The following NKAIN2 variants were observed in gnomAD, a reference collection of about 807,000 sequenced individuals.
The protein encoded by NKAIN2 is sodium/potassium transporting ATPase interacting 2, also known as sodium/potassium-transporting ATPase subunit beta-1-interacting protein 2.
A neutral mutation model predicts 32.6 loss-of-function variants in NKAIN2; 14 were observed. The observed-to-expected ratio is 0.43, with a 90% confidence interval of 0.28 to 0.67. The LOEUF (loss-of-function observed/expected upper bound fraction) is 0.67, where lower values mean the gene tolerates loss of function less well. Ranked by LOEUF, NKAIN2 falls within the 30% of genes least tolerant of loss-of-function variation. The pLI, the probability that NKAIN2 is intolerant of heterozygous loss-of-function variation, is 0.17. For missense variants in NKAIN2, 198 were observed against 258.3 expected (o/e 0.77, Z 1.60); for synonymous variants, 80 against 87.2 (o/e 0.92, Z 0.46).
chr6:124,687,425 A>C (rs1773993986), intron 4 of NKAIN2, among the ~76,000 whole-genome samples: 1 of 100,996 alleles, frequency 9.9e-6, no homozygotes, highest in South Asian at 3.5e-4. Context: ...TATATATTCC[A>C]TGTATACCAT....
At chr6:124,069,415 G>A (rs1424220820) in intron 1 of NKAIN2, among the ~76,000 whole-genome samples, 2 of 152,084 alleles carry the variant, frequency 1.3e-5, no homozygotes, top group African/African-American at 4.8e-5. Flanking sequence ...TGGGGCAGCC[G>A]GCCAGTGAGT....
intron 1 of NKAIN2, among the ~76,000 whole-genome samples, chr6:124,019,246 A>G (rs1025084125): frequency 2.0e-5 from 3 of 152,172 alleles, no homozygotes; most frequent in African/African-American, 7.2e-5. Context: ...AAACCAAACT[A>G]TATCACCTTG....
chr6:124,344,152 C>A (rs1242578750), intron 2 of NKAIN2, among the ~76,000 whole-genome samples: 1 of 152,026 alleles, frequency 6.6e-6, no homozygotes, highest in East Asian at 1.9e-4. Flanking sequence ...AGATATGCAG[C>A]ATTATTTCTG....
Position 124,351,593 on chromosome 6 carries a change from C to T in NKAIN2, c.193-3674C>T, listed in dbSNP as rs116037905. 3.2e-3 allele frequency among the ~76,000 whole-genome samples: 487 copies of T among 150,486 alleles called. 1 individual carries two copies. The highest frequency in any genetic ancestry group is 0.011 in the African/African-American group (468 of 41,024). ...CTAATAAATAAATCTTTGAGGATTA[C>T]TGCTATTTTATTTATTTATTTATCT... On this transcript the variant is annotated intron_variant, in intron 2 of 6. Transcript: ENST00000368417.
Position 124,823,505 on chromosome 6 carries a change from C to A in NKAIN2, c.*276C>A. 4.8e-6 allele frequency: 2 copies of A among 414,724 alleles called. No individual in the cohort carries two copies. The highest frequency in any genetic ancestry group is 8.7e-5 in the South Asian group (2 of 22,968). The allele number at this position is 414,724 out of a possible 1,614,324, so 25.7% of individuals were successfully genotyped here. A position where few individuals can be genotyped will look rare whatever the true frequency, so the allele number is the denominator to read the frequency against. Reference sequence around the variant, plus strand: ...ATTTCCTGAAAGCAGGCCCCTTTCTCCCAGGCCTTCGGAAAGTTCAGAAGG... The same window carrying A: ...ATTTCCTGAAAGCAGGCCCCTTTCTACCAGGCCTTCGGAAAGTTCAGAAGG... On this transcript the variant is annotated 3_prime_UTR_variant, in exon 7 of 7. Coordinates refer to ENST00000368417, the MANE Select transcript of NKAIN2 (RefSeq NM_001040214.3).
chr6:124,047,448 C>CTCTA (rs1554246859), intron 1 of NKAIN2, among the ~76,000 whole-genome samples: 6,050 of 151,062 alleles, frequency 0.04, 146 homozygotes, highest in Middle Eastern at 0.1. Flanking sequence ...CTCTCTCTCT[C>CTCTA]TATATATATA....
chr6:124,016,417 T>C (rs554301767), intron 1 of NKAIN2, among the ~76,000 whole-genome samples: 5 of 152,346 alleles, frequency 3.3e-5, no homozygotes, highest in African/African-American at 9.6e-5. Flanking sequence ...ACCTGCTTTC[T>C]CCAAAAGCAG....
intron 2 of NKAIN2, among the ~76,000 whole-genome samples, chr6:124,314,670 T>C (rs1031536040): frequency 6.6e-6 from 1 of 152,182 alleles, no homozygotes; most frequent in African/African-American, 2.4e-5. Flanking sequence ...AGCTGAATCC[T>C]GTCCCCTGAA....
intron 4 of NKAIN2, among the ~76,000 whole-genome samples, chr6:124,724,050 A>G (rs1776154154): frequency 6.6e-6 from 1 of 152,240 alleles, no homozygotes. Context: ...TCTTTGTGAT[A>G]AAGTTTCATA....
chr6:123,900,532 GTTTTTTTTTTTTTTTTTTTTTT>G (rs34370743), intron 1 of NKAIN2, among the ~76,000 whole-genome samples: 32 of 32,790 alleles, frequency 9.8e-4, no homozygotes, highest in South Asian at 2.1e-3. Flanking sequence ...CTCCAGATTA[GTTTTTTTTTTTTTTTTTTTTTT>G]TTTTTTTTTT....
intron 1 of NKAIN2, among the ~76,000 whole-genome samples, chr6:123,903,362 A>G (rs1441937005): frequency 6.6e-6 from 1 of 152,224 alleles, no homozygotes; most frequent in African/African-American, 2.4e-5. Context: ...ATAAGAGGGA[A>G]GGAATTTTAT....
chr6:123,882,758 A>G (rs1316490200), intron 1 of NKAIN2, among the ~76,000 whole-genome samples: 1 of 152,220 alleles, frequency 6.6e-6, no homozygotes, highest in Non-Finnish European at 1.5e-5. Context: ...GATTTATTCA[A>G]TATTTAATAA....
intron 3 of NKAIN2, among the ~76,000 whole-genome samples, chr6:124,585,568 A>C (rs1276815734): frequency 6.6e-6 from 1 of 152,238 alleles, no homozygotes. Flanking sequence ...TATATGCATC[A>C]AACATGTACT....
intron 4 of NKAIN2, among the ~76,000 whole-genome samples, chr6:124,775,208 A>G (rs1228808833): frequency 1.3e-5 from 2 of 152,198 alleles, no homozygotes; most frequent in African/African-American, 4.8e-5. Flanking sequence ...GAGTGAGGAA[A>G]AAAGCAGATA....
intron 3 of NKAIN2, among the ~76,000 whole-genome samples, chr6:124,363,136 G>T (rs1162245014): frequency 1.3e-5 from 2 of 152,206 alleles, no homozygotes; most frequent in Admixed American, 6.6e-5. Flanking sequence ...CGCTCAGCCA[G>T]AATTTTTTAT....
At chr6:123,828,442 T>G (rs926450441) in intron 1 of NKAIN2, among the ~76,000 whole-genome samples, 2 of 152,152 alleles carry the variant, frequency 1.3e-5, no homozygotes, top group Non-Finnish European at 2.9e-5. Flanking sequence ...TAAGGCAGTG[T>G]TTGGCATTCT....
intron 1 of NKAIN2, among the ~76,000 whole-genome samples, chr6:124,094,260 A>G (rs1008416768): frequency 1.3e-5 from 2 of 152,144 alleles, no homozygotes; most frequent in African/African-American, 2.4e-5. Flanking sequence ...GCATGAACTT[A>G]TGATTCATTT....
At chr6:124,649,887 CA>C (rs1784306226) in intron 3 of NKAIN2, among the ~76,000 whole-genome samples, 1 of 152,120 alleles carries the variant, frequency 6.6e-6, no homozygotes. Flanking sequence ...TACATCGTAT[CA>C]ATAGATGTAC....
chr6:124,065,885 A>T (rs1354546281), intron 1 of NKAIN2, among the ~76,000 whole-genome samples: 1 of 152,218 alleles, frequency 6.6e-6, no homozygotes, highest in South Asian at 2.1e-4. Flanking sequence ...GTCTCTATTA[A>T]CATGATAAAT....
Sources: gnomAD v4.1 joint callset for allele counts (sites outside exome capture counted in the v4.1 genomes callset) on GRCh38, gnomAD v4.1.1 for gene constraint, MANE v1.5 for transcripts, NCBI Gene and HGNC (gene_info 2026-07-23, HGNC 2026-07-21) for gene names.